The following MAML2 variants were observed in gnomAD, a reference collection of about 807,000 sequenced individuals.
MAML2 encodes the protein mastermind-like protein 2.
Under a neutral mutation model 96.1 loss-of-function variants are expected in MAML2, and 22 were observed. That is an observed-to-expected ratio of 0.23 (90% CI 0.16 to 0.33). The LOEUF (loss-of-function observed/expected upper bound fraction) is 0.33. Among genes scored for constraint, MAML2 ranks in the 10% least tolerant of loss-of-function variants. MAML2 has a pLI of 1.00. For missense variants in MAML2, 1,367 were observed against 1,392.4 expected (o/e 0.98, Z 0.29); for synonymous variants, 561 against 521.3 (o/e 1.08, Z -1.04).
intron 3 of MAML2, 68 bp from the exon 4 acceptor site, chr11:95,985,710 A>C: frequency 9.7e-7 from 1 of 1,034,548 alleles, no homozygotes; most frequent in Non-Finnish European, 1.4e-6. Flanking sequence ...ATACATGTAA[A>C]ATTTTGTAAA....
chr11:96,140,703 A>G (rs1860716227), intron 1 of MAML2, among the ~76,000 whole-genome samples: 1 of 152,152 alleles, frequency 6.6e-6, no homozygotes, highest in Non-Finnish European at 1.5e-5. Flanking sequence ...CCACCACTCC[A>G]GATCTACATG....
intron 1 of MAML2, among the ~76,000 whole-genome samples, chr11:96,186,589 CA>C (rs937694538): frequency 6.7e-6 from 1 of 149,550 alleles, no homozygotes; most frequent in South Asian, 2.1e-4. Flanking sequence ...GAATCCGTCT[CA>C]AAAAAAAATG....
At chr11:96,286,274 C>T (rs765648605) in intron 1 of MAML2, among the ~76,000 whole-genome samples, 19 of 152,130 alleles carry the variant, frequency 1.2e-4, no homozygotes, top group South Asian at 2.1e-4. Context: ...AGCTGAATGA[C>T]GAGAACACAT....
intron 1 of MAML2, among the ~76,000 whole-genome samples, chr11:96,202,242 T>C (rs1591069944): frequency 7.0e-6 from 1 of 143,122 alleles, no homozygotes; most frequent in Non-Finnish European, 1.5e-5. Flanking sequence ...TCCCAGCTAC[T>C]CAGGAGGCTG....
chr11:96,240,557 CA>C (rs55659413), intron 1 of MAML2, among the ~76,000 whole-genome samples: 880 of 51,004 alleles, frequency 0.017, 11 homozygotes, highest in African/African-American at 0.037. Context: ...GACTCCGTCT[CA>C]AAAAAAAAAA....
intron 1 of MAML2, among the ~76,000 whole-genome samples, chr11:96,266,369 G>T (rs950232346): frequency 1.3e-5 from 2 of 152,224 alleles, no homozygotes; most frequent in Middle Eastern, 6.8e-3. Flanking sequence ...AGGAGATTGA[G>T]ACCATCCTGG....
chr11:96,065,860 T>G (rs1405593493), intron 2 of MAML2, among the ~76,000 whole-genome samples: 6 of 152,166 alleles, frequency 3.9e-5, no homozygotes, highest in Non-Finnish European at 8.8e-5. Flanking sequence ...TGGGAGAACA[T>G]GGCAGAGCTG....
chr11:96,285,067 T>A (rs528110267), intron 1 of MAML2, among the ~76,000 whole-genome samples: 1 of 152,164 alleles, frequency 6.6e-6, no homozygotes, highest in South Asian at 2.1e-4. Context: ...AGAGAAAGGT[T>A]AAGGAACTTG....
chr11:96,273,008 A>C (rs1408728520), intron 1 of MAML2, among the ~76,000 whole-genome samples: 1 of 152,218 alleles, frequency 6.6e-6, no homozygotes, highest in Non-Finnish European at 1.5e-5. Context: ...ATAAACATTT[A>C]TTCAGCCCCT....
At chr11:96,076,645 C>T (rs1002826014) in intron 2 of MAML2, among the ~76,000 whole-genome samples, 2 of 152,134 alleles carry the variant, frequency 1.3e-5, no homozygotes, top group Non-Finnish European at 2.9e-5. Context: ...CACACATTTG[C>T]CTCTGGCTTC....
At chr11:96,120,288 G>C (rs972238216) in intron 1 of MAML2, among the ~76,000 whole-genome samples, 6 of 152,194 alleles carry the variant, frequency 3.9e-5, no homozygotes, top group Non-Finnish European at 8.8e-5. Flanking sequence ...GTATGAGGAT[G>C]CAACAGCTGA....
chr11:96,199,709 C>A (rs1163502618), intron 1 of MAML2, among the ~76,000 whole-genome samples: 1 of 152,068 alleles, frequency 6.6e-6, no homozygotes, highest in Admixed American at 6.5e-5. Flanking sequence ...CAATAAATAC[C>A]GTGATGTACG....
chr11:96,278,034 T>C (rs1863014237), intron 1 of MAML2, among the ~76,000 whole-genome samples: 1 of 152,100 alleles, frequency 6.6e-6, no homozygotes, highest in Admixed American at 6.5e-5. Context: ...TCTCCAATTC[T>C]GTGGATCTGG....
intron 2 of MAML2, among the ~76,000 whole-genome samples, chr11:95,997,872 T>C (rs1858017037): frequency 6.6e-6 from 1 of 152,152 alleles, no homozygotes; most frequent in East Asian, 1.9e-4. Flanking sequence ...CTCTGCTCTT[T>C]TACTCTGAGA....
chr11:96,037,289 T>A (rs1226379006), intron 2 of MAML2, among the ~76,000 whole-genome samples: 2 of 152,152 alleles, frequency 1.3e-5, no homozygotes, highest in Non-Finnish European at 1.5e-5. Flanking sequence ...AAAATAAGAA[T>A]AAGTGCTCTT....
chr11:96,232,318 T>C (rs1862305142), intron 1 of MAML2, among the ~76,000 whole-genome samples: 1 of 152,174 alleles, frequency 6.6e-6, no homozygotes, highest in African/African-American at 2.4e-5. Context: ...TGAGAAATTG[T>C]TTGGCATAAA....
chr11:96,239,053 C>T (rs1862399080), intron 1 of MAML2, among the ~76,000 whole-genome samples: 1 of 152,224 alleles, frequency 6.6e-6, no homozygotes, highest in African/African-American at 2.4e-5. Flanking sequence ...GAAACAACTA[C>T]AGCTGCAACC....
chr11:96,160,993 A>G (rs995590678), intron 1 of MAML2, among the ~76,000 whole-genome samples: 8 of 152,236 alleles, frequency 5.3e-5, no homozygotes, highest in African/African-American at 1.9e-4. Flanking sequence ...GAGTTGCAGG[A>G]TAACTGGAGA....
At chr11:96,286,482 T>C (rs565134537) in intron 1 of MAML2, among the ~76,000 whole-genome samples, 17 of 152,098 alleles carry the variant, frequency 1.1e-4, no homozygotes, top group Admixed American at 2.6e-4. Flanking sequence ...AACTCAAACA[T>C]TGAAGAAAAA....
Sources: gnomAD v4.1 joint callset for allele counts (sites outside exome capture counted in the v4.1 genomes callset) on GRCh38, gnomAD v4.1.1 for gene constraint, MANE v1.5 for transcripts, NCBI Gene and HGNC (gene_info 2026-07-23, HGNC 2026-07-21) for gene names.